The following ARL6 variants were observed in gnomAD, a reference collection of about 807,000 sequenced individuals.
ARL6 encodes the protein ARF like GTPase 6, also known as ADP-ribosylation factor-like protein 6.
A neutral mutation model predicts 27.1 loss-of-function variants in ARL6; 18 were observed. The ratio of observed to expected loss-of-function variants is 0.66; its 90% confidence interval spans 0.46 to 0.98. The LOEUF (loss-of-function observed/expected upper bound fraction) is 0.98. Among genes scored for constraint, ARL6 ranks in the 50% least tolerant of loss-of-function variants. ARL6 has a pLI of 0.00. For missense variants in ARL6, 187 were observed against 214.9 expected, an observed-to-expected ratio of 0.87 and a Z score of 0.81; for synonymous variants, 65 against 72.3, an observed-to-expected ratio of 0.90 and a Z score of 0.51.
At position 97,794,177 on chromosome 3, in the gene ARL6, T is replaced by TTGTGTGTGTGTG. The variant is rs370867493; in HGVS notation, c.535+2381_535+2392dup. 1.5e-3 allele frequency among the ~76,000 whole-genome samples: 205 copies of TTGTGTGTGTGTG among 137,474 alleles called. 2 individuals are homozygous for TTGTGTGTGTGTG. Among genetic ancestry groups the TTGTGTGTGTGTG allele is most frequent in the East Asian group, 9.2e-3 (42 of 4,582 alleles). 90.2% of individuals were successfully genotyped at this position (137,474 alleles called of 152,430 possible). On this transcript the variant is annotated intron_variant, in intron 7 of 7. Transcript: ENST00000463745. ...GTGCTTTGGTTATATTTTCTTTCTT[T>TTGTGTGTGTGTG]TGTGTGTGTGTGTGTGTGTGTGTGT...
chr3:97,769,685 C>A (rs2036550944), intron 2 of ARL6, among the ~76,000 whole-genome samples: 1 of 151,986 alleles, frequency 6.6e-6, no homozygotes, highest in South Asian at 2.1e-4. Flanking sequence ...TCTCTCCACC[C>A]CTCTCTCCGC....
chr3:97,794,375 G>A (rs751086538), intron 7 of ARL6, among the ~76,000 whole-genome samples: 27 of 151,870 alleles, frequency 1.8e-4, no homozygotes, highest in South Asian at 2.1e-4. Flanking sequence ...ACCATGCCCA[G>A]CTAATTTTTT....
intron 7 of ARL6, among the ~76,000 whole-genome samples, chr3:97,793,072 G>A (rs897566056): frequency 4.0e-5 from 6 of 151,896 alleles, no homozygotes; most frequent in African/African-American, 1.5e-4. Flanking sequence ...GTATTTCTTT[G>A]GTTCAAAGTG....
intron 4 of ARL6, 98 bp downstream of exon 4, chr3:97,780,781 T>C: frequency 1.1e-6 from 1 of 877,816 alleles, no homozygotes; most frequent in Non-Finnish European, 1.9e-6. Context: ...TTGGCTTTTT[T>C]TTTTCATGTA....
chr3:97,776,255 T>C (rs2036894652), intron 2 of ARL6, among the ~76,000 whole-genome samples: 1 of 152,240 alleles, frequency 6.6e-6, no homozygotes, highest in Non-Finnish European at 1.5e-5. Flanking sequence ...GTATAGTTAA[T>C]CTTGCTGTTT....
At chr3:97,780,046 C>G in intron 2 of ARL6, 113 bp from the exon 3 acceptor site, 1 of 797,060 alleles carries the variant, frequency 1.3e-6, no homozygotes, top group Non-Finnish European at 2.2e-6. Context: ...TTTGTTAAAT[C>G]CTATCATCTC....
chr3:97,787,717 C>T (rs2037526264), intron 5 of ARL6, among the ~76,000 whole-genome samples: 1 of 152,058 alleles, frequency 6.6e-6, no homozygotes, highest in Non-Finnish European at 1.5e-5. Flanking sequence ...AGGTACTTCT[C>T]TGTAATGCTT....
At chr3:97,781,511 G>C (rs1377387697) in intron 4 of ARL6, among the ~76,000 whole-genome samples, 6 of 152,116 alleles carry the variant, frequency 3.9e-5, no homozygotes, top group African/African-American at 1.4e-4. Context: ...AGTAATCTAG[G>C]GTGATTTAAA....
rs71113870 is a variant in ARL6, at chr3:97,794,218, T to TG, written c.535+2392_535+2393insG. ...GTGTGTGTGTGTGTGTGTGTGTGTG[T>TG]TTTTGAGATGGAGTTTCACTCTTGT... is the stretch of plus-strand genomic sequence containing the variant. On this transcript the variant is annotated intron_variant, in intron 7 of 7. Coordinates refer to ENST00000463745, the MANE Select transcript of ARL6 (RefSeq NM_001278293.3). Among the ~76,000 whole-genome samples the TG allele has an allele frequency of 8.3e-3, 1,215 of 145,708 alleles. 11 individuals are homozygous for TG. Among genetic ancestry groups the TG allele is most frequent in the African/African-American group, 0.027 (1,015 of 36,984 alleles).
intron 4 of ARL6, 29 bp downstream of exon 4, chr3:97,780,712 T>A (rs2037151002): frequency 6.5e-7 from 1 of 1,531,166 alleles, no homozygotes; most frequent in East Asian, 2.3e-5. Flanking sequence ...GTTGCTTAAC[T>A]AGATGGTTTT....
intron 2 of ARL6, among the ~76,000 whole-genome samples, chr3:97,770,524 G>A (rs2036588250): frequency 6.6e-6 from 1 of 152,026 alleles, no homozygotes; most frequent in African/African-American, 2.4e-5. Context: ...CCTTTGCTGT[G>A]TAGAAGCTTT....
intron 2 of ARL6, among the ~76,000 whole-genome samples, chr3:97,775,326 G>A (rs1465810440): frequency 6.6e-6 from 1 of 152,178 alleles, no homozygotes; most frequent in Non-Finnish European, 1.5e-5. Context: ...TATACCATCT[G>A]CATGCTGAGG....
chr3:97,777,800 T>C (rs1050169611), intron 2 of ARL6, among the ~76,000 whole-genome samples: 1 of 152,226 alleles, frequency 6.6e-6, no homozygotes, highest in Non-Finnish European at 1.5e-5. Flanking sequence ...TCACATATCT[T>C]GTTCTACCCT....
intron 2 of ARL6, among the ~76,000 whole-genome samples, chr3:97,772,228 T>A (rs2036669835): frequency 6.6e-6 from 1 of 152,212 alleles, no homozygotes; most frequent in Non-Finnish European, 1.5e-5. Context: ...TTCAGGTATT[T>A]TATTTTTCCA....
intron 1 of ARL6, among the ~76,000 whole-genome samples, chr3:97,765,701 A>G (rs1212558393): frequency 6.6e-6 from 1 of 152,186 alleles, no homozygotes; most frequent in African/African-American, 2.4e-5. Flanking sequence ...AAAACTACAG[A>G]TGCCCTGATC....
Position 97,799,278 on chromosome 3 carries a change from A to T in ARL6, c.*1229A>T, listed in dbSNP as rs938840313. ...TAACTGCAGTAGTGGTACATGTTTC[A>T]CAAAGATTTTAATAAAAGCACATAA... On this transcript the variant is annotated 3_prime_UTR_variant, in exon 8 of 8. Coordinates refer to ENST00000463745, the MANE Select transcript of ARL6 (RefSeq NM_001278293.3). 6.6e-6 allele frequency: 1 copy of T among 152,108 alleles called. No homozygotes were observed. The highest frequency in any genetic ancestry group is 1.5e-5 in the Non-Finnish European group (1 of 67,946). 9.4% of individuals were successfully genotyped at this position (152,108 alleles called of 1,614,324 possible). A position where few individuals can be genotyped will look rare whatever the true frequency, so the allele number is the denominator to read the frequency against.
At chr3:97,785,752 C>G (rs765234994) in intron 5 of ARL6, among the ~76,000 whole-genome samples, 1 of 152,040 alleles carries the variant, frequency 6.6e-6, no homozygotes, top group South Asian at 2.1e-4. Context: ...ACTTTCCTCC[C>G]GCCCAAGCCC....
chr3:97,779,594 C>T (rs1462300102), intron 2 of ARL6, among the ~76,000 whole-genome samples: 5 of 152,140 alleles, frequency 3.3e-5, no homozygotes, highest in Admixed American at 2.6e-4. Flanking sequence ...ATGCCAGGCA[C>T]GGTGGCTCAC....
At chr3:97,795,048 G>T (rs2037934652) in intron 7 of ARL6, among the ~76,000 whole-genome samples, 1 of 152,160 alleles carries the variant, frequency 6.6e-6, no homozygotes, top group Non-Finnish European at 1.5e-5. Flanking sequence ...CTGCACTCCA[G>T]CCTGGGTGAC....
Sources: allele counts gnomAD v4.1 joint callset (sites outside exome capture counted in the v4.1 genomes callset), GRCh38; gene constraint gnomAD v4.1.1; transcripts MANE v1.5; gene names NCBI Gene and HGNC (gene_info 2026-07-23, HGNC 2026-07-21).